AUTS2: variants seen among roughly 807,000 people sequenced by gnomAD.
AUTS2 encodes the protein autism susceptibility gene 2 protein.
Under a neutral mutation model 112.4 loss-of-function variants are expected in AUTS2, and 17 were observed. The observed-to-expected ratio is 0.15, with a 90% CI of 0.10 to 0.23. AUTS2 has a LOEUF of 0.23. AUTS2 is among the 10% of genes least tolerant of loss of function. AUTS2 has a pLI of 1.00. For synonymous variants in AUTS2, 751 were observed against 702.7 expected, an observed-to-expected ratio of 1.07 and a Z score of -1.09; for missense variants, 1,510 against 1,701.6, an observed-to-expected ratio of 0.89 and a Z score of 1.98.
intron 5 of AUTS2, among the ~76,000 whole-genome samples, chr7:70,616,611 A>C (rs1804380408): frequency 6.6e-6 from 1 of 152,346 alleles, no homozygotes; most frequent in South Asian, 2.1e-4. Context: ...TGTGCTCTGC[A>C]CACCATATGT....
intron 5 of AUTS2, among the ~76,000 whole-genome samples, chr7:70,612,797 T>G (rs780542831): frequency 1.1e-4 from 17 of 152,034 alleles, no homozygotes; most frequent in Non-Finnish European, 2.1e-4. Context: ...TCTACATTTT[T>G]TTTTTAAATC....
At chr7:70,588,639 T>C (rs570913424) in intron 5 of AUTS2, among the ~76,000 whole-genome samples, 2 of 152,346 alleles carry the variant, frequency 1.3e-5, no homozygotes, top group African/African-American at 4.8e-5. Flanking sequence ...AGTTCCGCTG[T>C]TGCCTTTCAA....
At chr7:69,793,650 G>A (rs1212079567) in intron 1 of AUTS2, among the ~76,000 whole-genome samples, 1 of 152,142 alleles carries the variant, frequency 6.6e-6, no homozygotes, top group Non-Finnish European at 1.5e-5. Context: ...ACAATCACCT[G>A]AGAGAATTTT....
rs78323909 is a variant in AUTS2, at chr7:70,304,614, A to G, written c.661-131138A>G. 3.1e-3 allele frequency among the ~76,000 whole-genome samples: 476 copies of G among 152,292 alleles called. 14 individuals carry two copies. The East Asian group carries it at 0.068, about 22-fold the overall frequency. The stretch of plus-strand genomic sequence containing the variant: ...ATCTTGCGGAGAAACACAGAGGGGA[A>G]AACTTCCTGTTGTGAGAGCAGGGCT... On this transcript the variant is annotated intron_variant, in intron 4 of 18. Transcript: ENST00000342771.
At chr7:69,630,317 T>G (rs1794169945) in intron 1 of AUTS2, among the ~76,000 whole-genome samples, 1 of 152,164 alleles carries the variant, frequency 6.6e-6, no homozygotes, top group African/African-American at 2.4e-5. Flanking sequence ...TGTCAGGAAT[T>G]TCCTCTGAAC....
chr7:70,064,132 G>C (rs138650243), intron 2 of AUTS2, among the ~76,000 whole-genome samples: 2 of 152,112 alleles, frequency 1.3e-5, no homozygotes, highest in Non-Finnish European at 2.9e-5. Flanking sequence ...TCTGTGCTTC[G>C]CAGGCCACTC....
intron 1 of AUTS2, among the ~76,000 whole-genome samples, chr7:69,795,289 G>A (rs1307907541): frequency 6.6e-6 from 1 of 152,142 alleles, no homozygotes; most frequent in Non-Finnish European, 1.5e-5. Flanking sequence ...AGGGAGGTTG[G>A]GCTGGATCAT....
chr7:69,941,302 G>C (rs922474602), intron 2 of AUTS2, among the ~76,000 whole-genome samples: 1 of 152,128 alleles, frequency 6.6e-6, no homozygotes, highest in Non-Finnish European at 1.5e-5. Flanking sequence ...ACATCTATAA[G>C]GAATTGCCAC....
chr7:70,673,030 G>T (rs921528707), intron 5 of AUTS2, among the ~76,000 whole-genome samples: 1 of 152,214 alleles, frequency 6.6e-6, no homozygotes, highest in South Asian at 2.1e-4. Flanking sequence ...GCACTTGCTT[G>T]CTTGGGTCAG....
chr7:70,471,678 T>C (rs911765386), intron 5 of AUTS2, among the ~76,000 whole-genome samples: 1 of 151,888 alleles, frequency 6.6e-6, no homozygotes. Flanking sequence ...AATTGGTGTG[T>C]GAGATGATGT....
At chr7:70,223,310 C>T (rs1252209511) in intron 4 of AUTS2, among the ~76,000 whole-genome samples, 3 of 152,142 alleles carry the variant, frequency 2.0e-5, no homozygotes, top group Non-Finnish European at 1.5e-5. Flanking sequence ...TATAGTAGTT[C>T]GGTTTACATT....
chr7:70,171,260 C>G (rs939490993), intron 4 of AUTS2, among the ~76,000 whole-genome samples: 1 of 152,152 alleles, frequency 6.6e-6, no homozygotes, highest in South Asian at 2.1e-4. Flanking sequence ...GATAAGATTT[C>G]AGGCAAGGGG....
intron 10 of AUTS2, among the ~76,000 whole-genome samples, chr7:70,770,902 T>C (rs953100398): frequency 2.5e-4 from 38 of 152,332 alleles, no homozygotes; most frequent in African/African-American, 8.9e-4. Flanking sequence ...TCTAGACAAA[T>C]TGGCAGCTCC....
chr7:70,303,434 G>GCGCGCACACACACA lies in AUTS2; in HGVS notation c.661-132317_661-132316insGCGCACACACACAC, dbSNP rs1241517255. On this transcript the variant is annotated intron_variant, in intron 4 of 18. Transcript: ENST00000342771. ...CACGCACACACACACGCGCGCGCGC[G>GCGCGCACACACACA]CACATACACACACACACACACACAC... is the stretch of plus-strand genomic sequence containing the variant. 3.7e-3 allele frequency among the ~76,000 whole-genome samples: 519 copies of GCGCGCACACACACA among 142,050 alleles called. 1 individual carries two copies. The highest frequency in any genetic ancestry group is 5.7e-3 in the Non-Finnish European group (365 of 64,500). The allele number at this position is 142,050 out of a possible 152,430, so 93.2% of individuals were successfully genotyped here.
At chr7:69,718,283 C>T (rs1204301490) in intron 1 of AUTS2, among the ~76,000 whole-genome samples, 2 of 152,300 alleles carry the variant, frequency 1.3e-5, no homozygotes, top group South Asian at 2.1e-4. Flanking sequence ...TTACCACAAA[C>T]ATAGTGACTT....
chr7:69,882,526 C>T (rs141070509), intron 1 of AUTS2, among the ~76,000 whole-genome samples: 133 of 152,232 alleles, frequency 8.7e-4, no homozygotes, highest in Admixed American at 4.3e-3. Context: ...GCTAGAGCCA[C>T]GCAGGTCTGT....
Position 69,885,856 on chromosome 7 carries a change from C to T in AUTS2, c.310-13430C>T, listed in dbSNP as rs958976360. ...GTTATGAAAAAGATAAATTAGTCCTCGCTTTATATTCAGAAATGGTCTGAC... is the reference window on the plus strand; with the variant it reads ...GTTATGAAAAAGATAAATTAGTCCTTGCTTTATATTCAGAAATGGTCTGAC... On this transcript the variant is annotated intron_variant, in intron 1 of 18. Coordinates refer to ENST00000342771, the MANE Select transcript of AUTS2 (RefSeq NM_015570.4). Among the ~76,000 whole-genome samples, 9 of 152,268 alleles carry T rather than the reference C, an allele frequency of 5.9e-5. 1 individual carries two copies. The highest frequency in any genetic ancestry group is 2.6e-4 in the Admixed American group (4 of 15,288).
At chr7:70,063,934 G>A (rs1802372164) in intron 2 of AUTS2, among the ~76,000 whole-genome samples, 1 of 152,162 alleles carries the variant, frequency 6.6e-6, no homozygotes, top group East Asian at 1.9e-4. Context: ...GAGAGTAGAA[G>A]GAGTGGCAAG....
Position 69,602,018 on chromosome 7 carries a change from G to GTATATATATATATATATATA in AUTS2, c.309+2057_309+2058insATATATATATATATATATAT, listed in dbSNP as rs765066810. ...AGGACAAGTAGGGATATATGTGTGT[G>GTATATATATATATATATATA]TGTATATATATATATATATATATGT... On this transcript the variant is annotated intron_variant, in intron 1 of 18. Coordinates refer to ENST00000342771, the MANE Select transcript of AUTS2 (RefSeq NM_015570.4). 1.1e-3 allele frequency among the ~76,000 whole-genome samples: 26 copies of GTATATATATATATATATATA among 22,980 alleles called. 1 individual carries two copies. The highest frequency in any genetic ancestry group is 0.016 in the Middle Eastern group (1 of 62). The allele number at this position is 22,980 out of a possible 152,430, so 15.1% of individuals were successfully genotyped here.
Sources: allele counts gnomAD v4.1 joint callset (sites outside exome capture counted in the v4.1 genomes callset), GRCh38; gene constraint gnomAD v4.1.1; transcripts MANE v1.5; gene names NCBI Gene and HGNC (gene_info 2026-07-23, HGNC 2026-07-21).